SNTG1: variants seen among roughly 807,000 people sequenced by gnomAD.
SNTG1 encodes the protein syntrophin gamma 1.
SNTG1 carries 39 observed loss-of-function variants against 74.7 expected under a neutral mutation model. That is an observed-to-expected ratio of 0.52 (90% CI 0.40 to 0.68). SNTG1 has a LOEUF of 0.68. Among genes scored for constraint, SNTG1 ranks in the 30% least tolerant of loss-of-function variants. The probability of loss-of-function intolerance (pLI) is 0.00; values close to 1 mark genes in which losing one functional copy is unlikely to be tolerated. For synonymous variants in SNTG1, 254 were observed against 217.1 expected (o/e 1.17, Z -1.49); for missense variants, 685 against 609.5 (o/e 1.12, Z -1.30).
At chr8:50,507,662 G>A (rs568233492) in intron 9 of SNTG1, among the ~76,000 whole-genome samples, 1 of 151,778 alleles carries the variant, frequency 6.6e-6, no homozygotes, top group Non-Finnish European at 1.5e-5. Flanking sequence ...TGTGGCATCA[G>A]TTGTAATGTC....
Position 50,336,637 on chromosome 8 carries a change from G to A in SNTG1, c.-27-57575G>A, listed in dbSNP as rs540500989. Among the ~76,000 whole-genome samples, 3 of 152,302 alleles carry A rather than the reference G, an allele frequency of 2.0e-5. No homozygotes were observed. In the South Asian group the frequency reaches 6.2e-4, roughly 32 times the overall value. The stretch of plus-strand genomic sequence containing the variant: ...ATGTCTGTGAATGCCCAGCATTAGC[G>A]AAGTTCCTTACATATGGTAAACCCA... On this transcript the variant is annotated intron_variant, in intron 2 of 18. Transcript: ENST00000642720.
At chr8:50,618,909 G>A (rs1335292592) in intron 13 of SNTG1, among the ~76,000 whole-genome samples, 6 of 151,668 alleles carry the variant, frequency 4.0e-5, no homozygotes, top group Non-Finnish European at 7.4e-5. Flanking sequence ...GTGTGTGTGT[G>A]TATATATATA....
intron 5 of SNTG1, among the ~76,000 whole-genome samples, chr8:50,441,806 C>A (rs2093359911): frequency 6.6e-6 from 1 of 152,016 alleles, no homozygotes; most frequent in Non-Finnish European, 1.5e-5. Context: ...ACAAAGCCAC[C>A]CAAAAAGAGT....
At chr8:50,581,923 A>G (rs1480011398) in intron 12 of SNTG1, among the ~76,000 whole-genome samples, 1 of 152,208 alleles carries the variant, frequency 6.6e-6, no homozygotes, top group African/African-American at 2.4e-5. Flanking sequence ...TTTGCAAGCC[A>G]TGCAAAGGAT....
intron 1 of SNTG1, among the ~76,000 whole-genome samples, chr8:49,918,648 A>G (rs1448689216): frequency 6.6e-6 from 1 of 152,128 alleles, no homozygotes; most frequent in African/African-American, 2.4e-5. Context: ...AAGTCCACAC[A>G]CCCACACAAC....
At chr8:49,926,307 C>T (rs960824735) in intron 1 of SNTG1, among the ~76,000 whole-genome samples, 4 of 151,946 alleles carry the variant, frequency 2.6e-5, no homozygotes, top group African/African-American at 9.7e-5. Flanking sequence ...AAAATCTACA[C>T]ACAATTTGTA....
In SNTG1 at chr8:50,438,499, A is replaced by C. The variant is rs2093327499; in HGVS notation, c.163-44A>C. On this transcript the variant is annotated intron_variant, in intron 4 of 18. Coordinates refer to ENST00000642720, the MANE Select transcript of SNTG1 (RefSeq NM_018967.5). ...ACAACAAAAAATGGTGTGTAAGTATAGTATTAGGAAACACTAACCATTCTT... is the reference window on the plus strand; with the variant it reads ...ACAACAAAAAATGGTGTGTAAGTATCGTATTAGGAAACACTAACCATTCTT... The C allele has an allele frequency of 1.9e-6, 3 of 1,545,960 alleles. No homozygotes were observed. The African/African-American group carries it at 4.1e-5, about 21-fold the overall frequency.
At chr8:50,527,473 T>G (rs1416535771) in intron 9 of SNTG1, among the ~76,000 whole-genome samples, 3 of 152,120 alleles carry the variant, frequency 2.0e-5, no homozygotes, top group Non-Finnish European at 4.4e-5. Flanking sequence ...TCTTATATTT[T>G]TGTGCATCTT....
Position 50,402,342 on chromosome 8 carries a change from G to C in SNTG1, c.160G>C (p.Gly54Arg), listed in dbSNP as rs2092817591. The C allele has an allele frequency of 3.8e-6, 6 of 1,576,986 alleles. No individual in the cohort carries two copies. In the African/African-American group the frequency reaches 5.5e-5, roughly 15 times the overall value. The change falls in exon 4 of 19, where the codon GGT becomes CGT. Residue 54 changes from glycine (G) to arginine (R), a missense_variant and splice_region_variant. By Grantham distance (125) the Gly-to-Arg change is moderately radical. Coordinates refer to ENST00000642720, the MANE Select transcript of SNTG1 (RefSeq NM_018967.5). Reference sequence around the variant, plus strand: ...TGTGTCTGGTGAGCCTTTCTATTCTGGTGTAAGTAGCTTTTTCTTCTGTTG... The same window carrying C: ...TGTGTCTGGTGAGCCTTTCTATTCTCGTGTAAGTAGCTTTTTCTTCTGTTG... ...ICVSGEPFYS[G>R]ERTVTIRRQT...
chr8:50,065,104 G>T (rs1009854581), intron 1 of SNTG1, among the ~76,000 whole-genome samples: 2 of 152,070 alleles, frequency 1.3e-5, no homozygotes, highest in African/African-American at 4.8e-5. Flanking sequence ...ATAAGATTTA[G>T]GTTTTACATC....
intron 9 of SNTG1, among the ~76,000 whole-genome samples, chr8:50,516,284 T>C (rs1042484730): frequency 1.3e-5 from 2 of 151,814 alleles, no homozygotes; most frequent in Non-Finnish European, 2.9e-5. Flanking sequence ...AAAAATCCCA[T>C]CCAAAGGCCC....
chr8:50,143,178 T>A (rs2081734238), intron 1 of SNTG1, among the ~76,000 whole-genome samples: 1 of 152,208 alleles, frequency 6.6e-6, no homozygotes, highest in African/African-American at 2.4e-5. Flanking sequence ...TGTGTCGACC[T>A]GACAGAATGT....
chr8:50,111,742 C>A (rs2080600755), intron 1 of SNTG1, among the ~76,000 whole-genome samples: 1 of 151,960 alleles, frequency 6.6e-6, no homozygotes, highest in Non-Finnish European at 1.5e-5. Context: ...CAGCTCCAAG[C>A]AAAATCCTAG....
rs372341076 is a variant in SNTG1, at chr8:50,769,857, G to T, written c.1395+17746G>T. Among the ~76,000 whole-genome samples, 10 of 152,112 alleles carry T rather than the reference G, an allele frequency of 6.6e-5. No individual in the cohort carries two copies. The South Asian group carries it at 1.9e-3, about 28-fold the overall frequency. On this transcript the variant is annotated intron_variant, in intron 18 of 18. Coordinates refer to ENST00000642720, the MANE Select transcript of SNTG1 (RefSeq NM_018967.5). ...ATAAAGCAAAATTTTATTAAACATTGTTCTATTACATCAAAATCCTAAAAG... is the reference window on the plus strand; with the variant it reads ...ATAAAGCAAAATTTTATTAAACATTTTTCTATTACATCAAAATCCTAAAAG...
At chr8:50,690,315 C>T (rs1173465387) in intron 15 of SNTG1, among the ~76,000 whole-genome samples, 29 of 151,918 alleles carry the variant, frequency 1.9e-4, no homozygotes, top group Admixed American at 6.6e-4. Flanking sequence ...GCTCTTGCTT[C>T]TCTAGTTCTT....
At chr8:50,427,110 T>C (rs2093173096) in intron 4 of SNTG1, among the ~76,000 whole-genome samples, 1 of 152,150 alleles carries the variant, frequency 6.6e-6, no homozygotes, top group South Asian at 2.1e-4. Context: ...TTATGTATAC[T>C]TCTACCTATA....
At chr8:50,630,555 A>G (rs926701324) in intron 13 of SNTG1, among the ~76,000 whole-genome samples, 2 of 152,212 alleles carry the variant, frequency 1.3e-5, no homozygotes, top group African/African-American at 4.8e-5. Flanking sequence ...GTGACTTAAC[A>G]GGTGTGAATA....
At chr8:50,223,439 C>T (rs2085168033) in intron 2 of SNTG1, among the ~76,000 whole-genome samples, 1 of 151,872 alleles carries the variant, frequency 6.6e-6, no homozygotes, top group Admixed American at 6.6e-5. Context: ...TAAAAATTAG[C>T]AACAGGAATC....
chr8:50,780,833 G>A lies in SNTG1; in HGVS notation c.1396-11838G>A, dbSNP rs556124283. On this transcript the variant is annotated intron_variant, in intron 18 of 18. Transcript: ENST00000642720. The stretch of plus-strand genomic sequence containing the variant: ...TTGGATCTTTCCTGCTTTCTCTTGT[G>A]GGCATTTAATGCTATAAATTTCCCT... Among the ~76,000 whole-genome samples the A allele has an allele frequency of 2.6e-5, 4 of 152,180 alleles. No homozygotes were observed. In the South Asian group the frequency reaches 8.3e-4, roughly 32 times the overall value.
Sources: allele counts gnomAD v4.1 joint callset (sites outside exome capture counted in the v4.1 genomes callset), GRCh38; gene constraint gnomAD v4.1.1; transcripts MANE v1.5; gene names NCBI Gene and HGNC (gene_info 2026-07-23, HGNC 2026-07-21).